Variants in CNTN3 observed in about 807,000 individuals in gnomAD.
CNTN3 encodes contactin 3.
CNTN3 carries 60 observed loss-of-function variants against 119.1 expected under a neutral mutation model. The ratio of observed to expected loss-of-function variants is 0.50; its 90% CI spans 0.41 to 0.62. The LOEUF is 0.62. CNTN3 is among the 20% of genes least tolerant of loss of function. The pLI, the probability that CNTN3 is intolerant of heterozygous loss-of-function variation, is 0.00. For synonymous variants in CNTN3, 450 were observed against 438.7 expected, an observed-to-expected ratio of 1.03 and a Z score of -0.32; for missense variants, 1,101 against 1,242.4, an observed-to-expected ratio of 0.89 and a Z score of 1.71.
intron 5 of CNTN3, among the ~76,000 whole-genome samples, chr3:74,419,080 A>G (rs1040641065): frequency 9.9e-5 from 15 of 152,140 alleles, no homozygotes; most frequent in African/African-American, 3.4e-4. Context: ...TACAGGCATG[A>G]GCCACCGCAC....
chr3:74,526,107 T>C (rs1703614941), intron 1 of CNTN3, among the ~76,000 whole-genome samples: 1 of 151,842 alleles, frequency 6.6e-6, no homozygotes, highest in African/African-American at 2.4e-5. Flanking sequence ...ATTTTAACTG[T>C]AAGGATTGCT....
rs12631474 is a variant in CNTN3 at position 74,270,799 on chromosome 3, G to A, written c.2705-3421C>T. ...GTAGTCTACATTTTGAAATTTTTTGGAAATCGTTTGTCAACGTTCATATCC... is the reference window on the plus strand; with the variant it reads ...GTAGTCTACATTTTGAAATTTTTTGAAAATCGTTTGTCAACGTTCATATCC... On this transcript the variant is annotated intron_variant, in intron 20 of 22. Transcript: ENST00000263665. 1.4e-3 allele frequency among the ~76,000 whole-genome samples: 215 copies of A among 152,110 alleles called. 3 individuals are homozygous for A. In the East Asian group the frequency reaches 0.038, roughly 27 times the overall value.
At chr3:74,418,957 A>AT (rs754157709) in intron 5 of CNTN3, among the ~76,000 whole-genome samples, 3,132 of 144,512 alleles carry the variant, frequency 0.022, 59 homozygotes, top group African/African-American at 0.055. Context: ...TGCCTGGATA[A>AT]TTTTTTTTTT....
chr3:74,608,244 G>A (rs1202074985), intron 1 of CNTN3, among the ~76,000 whole-genome samples: 2 of 152,154 alleles, frequency 1.3e-5, no homozygotes, highest in African/African-American at 4.8e-5. Context: ...GAGAAACAGT[G>A]CAAGTGAAAT....
Position 74,301,460 on chromosome 3 carries a change from C to T in CNTN3, c.2033G>A (p.Ser678Asn), listed in dbSNP as rs190067654. ...TGGTTCTCCACCTCCAATTTTGTTA[C>T]TGGCTACAACCCGAAATTCATATTC... Reference protein sequence around the residue: ...WVEYEFRVVASNKIGGGEPSL... With the variant: ...WVEYEFRVVANNKIGGGEPSL... The change falls in exon 16 of 23, where the codon AGT (serine) becomes AAT (asparagine). Residue 678 changes from serine (S) to asparagine (N), a missense_variant. Transcript: ENST00000263665. 4.3e-5 allele frequency: 69 copies of T among 1,614,102 alleles called. No individual in the cohort carries two copies. The highest frequency in any genetic ancestry group is 2.5e-6 in the Non-Finnish European group (3 of 1,179,972).
rs143280017 is a variant in CNTN3, at chr3:74,351,767, G to A, written c.1364+10123C>T. Among the ~76,000 whole-genome samples, 21 of 152,222 alleles carry A rather than the reference G, an allele frequency of 1.4e-4. No individual in the cohort carries two copies. In the East Asian group the frequency reaches 2.1e-3, roughly 15 times the overall value. ...GGAGGGTAGGGTATTAGAGAGAGGA[G>A]GTGATTATCACACCATGAGCCCCAT... On this transcript the variant is annotated intron_variant, in intron 11 of 22. Transcript: ENST00000263665.
chr3:74,335,899 C>T (rs1703382144), intron 12 of CNTN3, among the ~76,000 whole-genome samples: 1 of 152,126 alleles, frequency 6.6e-6, no homozygotes, highest in South Asian at 2.1e-4. Flanking sequence ...CATCCTGTTG[C>T]TAATGCTCTA....
chr3:74,369,506 T>C, intron 7 of CNTN3, 133 bp from the exon 8 acceptor site: 1 of 568,362 alleles, frequency 1.8e-6, no homozygotes, highest in Non-Finnish European at 3.0e-6. Flanking sequence ...GTCAATTATA[T>C]AAACCTGATA....
chr3:74,294,193 G>A (rs1290820547), intron 19 of CNTN3, among the ~76,000 whole-genome samples: 6 of 152,082 alleles, frequency 3.9e-5, no homozygotes, highest in Non-Finnish European at 5.9e-5. Context: ...AGACAGCTGT[G>A]GGTAGGATGA....
intron 5 of CNTN3, among the ~76,000 whole-genome samples, chr3:74,411,160 G>T (rs1040844324): frequency 2.0e-5 from 3 of 151,520 alleles, no homozygotes; most frequent in African/African-American, 7.3e-5. Flanking sequence ...TAATTGGTCA[G>T]CCCAGTGTCC....
intron 3 of CNTN3, among the ~76,000 whole-genome samples, chr3:74,487,202 G>A (rs1159747157): frequency 6.6e-6 from 1 of 152,066 alleles, no homozygotes; most frequent in Non-Finnish European, 1.5e-5. Flanking sequence ...CTAGGGGGTC[G>A]GAAAAGGTAA....
intron 5 of CNTN3, among the ~76,000 whole-genome samples, chr3:74,399,443 C>T (rs1705135653): frequency 6.6e-6 from 1 of 152,162 alleles, no homozygotes; most frequent in South Asian, 2.1e-4. Flanking sequence ...TGGCCTCCAG[C>T]TGCATCCATG....
intron 11 of CNTN3, among the ~76,000 whole-genome samples, chr3:74,337,782 A>G (rs1703433095): frequency 6.6e-6 from 1 of 152,120 alleles, no homozygotes; most frequent in African/African-American, 2.4e-5. Flanking sequence ...CAAATAAATA[A>G]GTAAAAGTAA....
intron 1 of CNTN3, among the ~76,000 whole-genome samples, chr3:74,592,168 CA>C (rs1218465704): frequency 6.6e-6 from 1 of 151,872 alleles, no homozygotes; most frequent in Non-Finnish European, 1.5e-5. Context: ...GACTCAACCA[CA>C]GAACTTGACA....
intron 13 of CNTN3, among the ~76,000 whole-genome samples, chr3:74,321,662 G>GAAA (rs1172064455): frequency 2.0e-4 from 31 of 151,580 alleles, no homozygotes; most frequent in African/African-American, 6.8e-4. Context: ...GGCTACTTAA[G>GAAA]AAAAAAAGAG....
Position 74,305,447 on chromosome 3 carries a change from A to AT in CNTN3, c.1669-2641dup, listed in dbSNP as rs1378485430. Among the ~76,000 whole-genome samples, 5 of 152,272 alleles carry AT rather than the reference A, an allele frequency of 3.3e-5. No homozygotes were observed. The East Asian group carries it at 5.8e-4, about 18-fold the overall frequency. On this transcript the variant is annotated intron_variant, in intron 13 of 22. Transcript: ENST00000263665. Reference sequence around the variant, plus strand: ...GGCATGCAGCTGTCTACCAAAAGACATTTTTTACAAGAATGTTTATAATTA... The same window carrying AT: ...GGCATGCAGCTGTCTACCAAAAGACATTTTTTTACAAGAATGTTTATAATTA...
intron 11 of CNTN3, among the ~76,000 whole-genome samples, chr3:74,351,566 C>G (rs1320662615): frequency 6.6e-6 from 1 of 152,192 alleles, no homozygotes; most frequent in Non-Finnish European, 1.5e-5. Flanking sequence ...ATTAAAGAAG[C>G]AAGTAAAACG....
intron 3 of CNTN3, among the ~76,000 whole-genome samples, chr3:74,490,871 C>A (rs992195010): frequency 1.3e-5 from 2 of 152,128 alleles, no homozygotes; most frequent in African/African-American, 4.8e-5. Flanking sequence ...TTGCCATAAC[C>A]AGAAGAATGT....
intron 13 of CNTN3, among the ~76,000 whole-genome samples, chr3:74,327,105 CCTTTTTTTTTTTT>C (rs1359064226): frequency 9.9e-5 from 9 of 90,702 alleles, no homozygotes; most frequent in Admixed American, 4.5e-4. Context: ...AAGGGTTAAT[CCTTTTTTTTTTTT>C]TTTTTTTTTT....
Sources: allele counts gnomAD v4.1 joint callset (sites outside exome capture counted in the v4.1 genomes callset), GRCh38; gene constraint gnomAD v4.1.1; transcripts MANE v1.5; gene names NCBI Gene and HGNC (gene_info 2026-07-23, HGNC 2026-07-21).